The following HSPG2 variants were observed in gnomAD, a reference collection of about 807,000 sequenced individuals.
HSPG2 encodes basement membrane-specific heparan sulfate proteoglycan core protein.
Under a neutral mutation model 526.6 loss-of-function variants are expected in HSPG2, and 278 were observed. That is an observed-to-expected ratio of 0.53 (90% CI 0.48 to 0.58). The LOEUF is 0.58. HSPG2 is among the 20% of genes least tolerant of loss of function. The pLI is 0.00. For missense variants in HSPG2, 5,354 were observed against 6,099.5 expected (o/e 0.88, Z 4.07); for synonymous variants, 2,465 against 2,555.4 (o/e 0.96, Z 1.07).
chr1:21,909,640 G>C (rs746314674), intron 1 of HSPG2, among the ~76,000 whole-genome samples: 10 of 152,224 alleles, frequency 6.6e-5, no homozygotes, highest in Non-Finnish European at 1.3e-4. Flanking sequence ...CTGAAGCCAG[G>C]GGCAGAGGCT....
At chr1:21,915,174 T>C (rs1029359901) in intron 1 of HSPG2, among the ~76,000 whole-genome samples, 16 of 146,614 alleles carry the variant, frequency 1.1e-4, no homozygotes, top group Non-Finnish European at 2.3e-4. Context: ...GGCGCCCTGA[T>C]ACGGGCGCGT....
Position 21,862,000 on chromosome 1 carries a change from T to C in HSPG2, c.4856A>G (p.Asn1619Ser). The C allele has an allele frequency of 6.2e-7, 1 of 1,614,158 alleles. No individual in the cohort carries two copies. The highest frequency in any genetic ancestry group is 8.5e-7 in the Non-Finnish European group (1 of 1,180,028). Residue 1619 changes from asparagine (N) to serine (S), a missense_variant, in exon 38 of 97, where the codon AAC becomes AGC. Asn to Ser is a conservative substitution (Grantham distance 46). Coordinates refer to ENST00000374695, the MANE Select transcript of HSPG2 (RefSeq NM_005529.7). ...CTAGGGTACCCACATGTTCTCTGGG[T>C]TGGTCAGTGGGCAGGCACAGGGCTG... ...DCQPCACPLT[N>S]PENMFSRTCE... is the part of the protein sequence containing the mutation.
In HSPG2 at chr1:21,872,504, G is replaced by T; in HGVS notation, c.4029+116C>A. ...AGATCAGGACTGCGAGAGAAATAAT[G>T]GGGGCATGTGAGGGTACTGAGGCGG... On this transcript the variant is annotated intron_variant, in intron 32 of 96. Transcript: ENST00000374695. The surrounding 1 kb of genome is among the most constrained non-coding windows in gnomAD (Gnocchi z 5.5). 1 of 1,408,658 alleles carries T rather than the reference G, an allele frequency of 7.1e-7. No homozygotes were observed. The highest frequency in any genetic ancestry group is 1.2e-5 in the South Asian group (1 of 80,828). 87.3% of individuals were successfully genotyped at this position (1,408,658 alleles called of 1,614,324 possible). A position where few individuals can be genotyped will look rare whatever the true frequency, so the allele number is the denominator to read the frequency against.
Position 21,851,990 on chromosome 1 carries a change from G to A in HSPG2, c.6871-64C>T, listed in dbSNP as rs931263972. On this transcript the variant is annotated intron_variant, in intron 53 of 96. Coordinates refer to ENST00000374695, the MANE Select transcript of HSPG2 (RefSeq NM_005529.7). The stretch of plus-strand genomic sequence containing the variant: ...GGAGGCCAGCAAATGCCCCACCGCT[G>A]TCCCCCCGATCTAGGAAGTGCCAGC... 6.2e-6 allele frequency: 10 copies of A among 1,609,708 alleles called. No homozygotes were observed. The African/African-American group carries it at 1.1e-4, about 17-fold the overall frequency.
intron 1 of HSPG2, among the ~76,000 whole-genome samples, chr1:21,913,892 TG>T (rs1454592772): frequency 6.6e-6 from 1 of 152,216 alleles, no homozygotes; most frequent in East Asian, 1.9e-4. Flanking sequence ...CTCTGCCGCT[TG>T]CCAGCTGGGT....
At position 21,828,406 on chromosome 1, in the gene HSPG2, C is replaced by A; in HGVS notation, c.12258G>T (p.Arg4086=). ...CVGEVSVNGK[R]LDLTYSFLGS... Reference sequence around the variant, plus strand: ...CTAGGAAACTGTAGGTGAGGTCCAGCCGTTTGCCATTCACTGACACCTGTG... The same window carrying A: ...CTAGGAAACTGTAGGTGAGGTCCAGACGTTTGCCATTCACTGACACCTGTG... Residue 4086 remains arginine, a synonymous_variant, in exon 89 of 97, where the codon CGG becomes CGT. Transcript: ENST00000374695. This position sits in a 1 kb window ranked among gnomAD's most constrained non-coding sequence, Gnocchi z 6.0. The A allele has an allele frequency of 6.2e-7, 1 of 1,613,578 alleles. No homozygotes were observed. The highest frequency in any genetic ancestry group is 8.5e-7 in the Non-Finnish European group (1 of 1,180,022).
intron 1 of HSPG2, among the ~76,000 whole-genome samples, chr1:21,921,052 A>T (rs964789035): frequency 6.6e-6 from 1 of 152,240 alleles, no homozygotes; most frequent in African/African-American, 2.4e-5. Flanking sequence ...TATAACAGTA[A>T]TATAACAATT....
intron 77 of HSPG2, 111 bp from the exon 78 acceptor site, chr1:21,834,036 C>T (rs1206322317): frequency 3.9e-6 from 3 of 773,788 alleles, no homozygotes; most frequent in Admixed American, 2.0e-5. Context: ...GAAGCCACTA[C>T]ATTCCATTTC....
Position 21,874,512 on chromosome 1 carries a change from C to T in HSPG2, c.3550G>A (p.Gly1184Ser). ...ACQGCQHHTEGPRCEQCQPGY... is the reference protein window; with the variant it reads ...ACQGCQHHTESPRCEQCQPGY... ...GGCTGGCACTGCTCACACCGAGGGCCCTCCGTGTGATGCTGGCAGCCCTGG... is the reference window on the plus strand; with the variant it reads ...GGCTGGCACTGCTCACACCGAGGGCTCTCCGTGTGATGCTGGCAGCCCTGG... Residue 1184 changes from glycine to serine, a missense_variant, in exon 28 of 97, where the codon GGC (glycine) becomes AGC (serine). By Grantham distance (56) the Gly-to-Ser change is moderately conservative. Transcript: ENST00000374695. The T allele has an allele frequency of 6.2e-7, 1 of 1,613,510 alleles. No homozygotes were observed. The highest frequency in any genetic ancestry group is 8.5e-7 in the Non-Finnish European group (1 of 1,179,960).
intron 47 of HSPG2, 34 bp downstream of exon 47, chr1:21,855,270 G>A (rs1413966758): frequency 1.3e-6 from 2 of 1,585,312 alleles, no homozygotes; most frequent in African/African-American, 2.7e-5. Context: ...AGAGCCTGTG[G>A]GCCTCCTCCT....
In HSPG2 at chr1:21,831,032, C is replaced by G. The variant is rs550465462; in HGVS notation, c.11621G>C (p.Gly3874Ala). Reference protein sequence around the residue: ...SSSYVCVCPAGFTGSRCEHSQ... With the variant: ...SSSYVCVCPAAFTGSRCEHSQ... ...GTGCTCACAGCGGCTCCCGGTGAAG[C>G]CAGCTGGGCAGACGCACACGTAGCT... The change falls in exon 85 of 97, where the codon GGC (glycine) becomes GCC (alanine). Residue 3874 changes from glycine (G) to alanine (A), a missense_variant. Physicochemically the swap from Gly to Ala is moderately conservative, Grantham distance 60. Coordinates refer to ENST00000374695, the MANE Select transcript of HSPG2 (RefSeq NM_005529.7). 1 of 1,592,108 alleles carries G rather than the reference C, an allele frequency of 6.3e-7. No individual in the cohort carries two copies. The highest frequency in any genetic ancestry group is 1.1e-5 in the South Asian group (1 of 88,418).
At chr1:21,883,081 C>T (rs1019676867) in intron 13 of HSPG2, among the ~76,000 whole-genome samples, 1 of 152,150 alleles carries the variant, frequency 6.6e-6, no homozygotes, top group Non-Finnish European at 1.5e-5. Context: ...TCCAATCAGA[C>T]AGCCCTGGGT....
At chr1:21,874,038 A>G in intron 28 of HSPG2, 27 bp from the exon 29 acceptor site, 1 of 1,570,130 alleles carries the variant, frequency 6.4e-7, no homozygotes, top group Non-Finnish European at 8.7e-7. Flanking sequence ...ATTTCTAGTC[A>G]GGAACGCAGT....
chr1:21,846,118 G>T lies in HSPG2; in HGVS notation c.8454C>A (p.Val2818=). Reference sequence around the variant, plus strand: ...TGCAGGGACCCTCACCGGGGACGTGGACAGCACTTGAGCCAGAGGCTTCGA... The same window carrying T: ...TGCAGGGACCCTCACCGGGGACGTGTACAGCACTTGAGCCAGAGGCTTCGA... The part of the protein sequence containing the change: ...VTIEASGSSA[V]HVPAPGGAPP... The change falls in exon 64 of 97, where the codon GTC becomes GTA. Residue 2818 remains valine, a synonymous_variant. Transcript: ENST00000374695. 1 of 1,612,772 alleles carries T rather than the reference G, an allele frequency of 6.2e-7. No individual in the cohort carries two copies. Among genetic ancestry groups the T allele is most frequent in the African/African-American group, 1.3e-5 (1 of 75,058 alleles).
At position 21,847,446 on chromosome 1, in the gene HSPG2, G is replaced by A. The variant is rs1450531583; in HGVS notation, c.8072C>T (p.Ser2691Leu). 1.9e-6 allele frequency: 3 copies of A among 1,613,920 alleles called. No individual in the cohort carries two copies. Among genetic ancestry groups the A allele is most frequent in the Admixed American group, 3.3e-5 (2 of 60,028 alleles). Residue 2691 changes from serine (S) to leucine (L), a missense_variant, in exon 62 of 97, where the codon TCG becomes TTG. By Grantham distance (145) the Ser-to-Leu change is moderately radical. Transcript: ENST00000374695. This position sits in a 1 kb window ranked among gnomAD's most constrained non-coding sequence, Gnocchi z 4.1. ...GTTGGCCCGGCACACATACTCGCCCGAGTCAGCCACAGACATTTGGTGCAA... is the reference window on the plus strand; with the variant it reads ...GTTGGCCCGGCACACATACTCGCCCAAGTCAGCCACAGACATTTGGTGCAA... ...LRLHQMSVAD[S>L]GEYVCRANNN...
intron 3 of HSPG2, among the ~76,000 whole-genome samples, chr1:21,892,213 C>G (rs1262898728): frequency 6.6e-6 from 1 of 152,256 alleles, no homozygotes; most frequent in Non-Finnish European, 1.5e-5. Context: ...CTCCTGGGTG[C>G]CGGGTGGGCG....
intron 1 of HSPG2, 28 bp downstream of exon 1, chr1:21,937,127 C>T: frequency 3.9e-6 from 1 of 256,112 alleles, no homozygotes; most frequent in Non-Finnish European, 6.5e-6. Context: ...CCGCCCCCGC[C>T]CCCCGCCCCT....
In HSPG2 at chr1:21,831,762, G is replaced by A; in HGVS notation, c.11242C>T (p.His3748Tyr). The change falls in exon 82 of 97, where the codon CAT (histidine) becomes TAT (tyrosine). Residue 3748 changes from histidine to tyrosine, a missense_variant. By Grantham distance (83) the His-to-Tyr change is moderately conservative. Transcript: ENST00000374695. ...DAGSGMATIR[H>Y]PTPLALGHFH... ...TGGCCCAGGGCCAGTGGTGTGGGAT[G>A]GCGGATGGTGGCCATGCCTGAGCCT... The A allele has an allele frequency of 6.2e-7, 1 of 1,603,596 alleles. No individual in the cohort carries two copies.
chr1:21,838,135 CAAAAA>C (rs35291473), intron 74 of HSPG2, among the ~76,000 whole-genome samples: 1 of 75,276 alleles, frequency 1.3e-5, no homozygotes, highest in Non-Finnish European at 2.4e-5. Flanking sequence ...GATTCTGTCT[CAAAAA>C]AAAAAAAAAA....
Sources: allele counts gnomAD v4.1 joint callset (sites outside exome capture counted in the v4.1 genomes callset), GRCh38; gene constraint gnomAD v4.1.1; non-coding constraint Gnocchi (gnomAD v3.1); transcripts MANE v1.5; gene names NCBI Gene and HGNC (gene_info 2026-07-23, HGNC 2026-07-21).